The following PADI4 variants were observed in gnomAD, a reference collection of about 807,000 sequenced individuals.
The protein encoded by PADI4 is peptidyl arginine deiminase 4.
PADI4 carries 62 observed loss-of-function variants against 75.0 expected under a neutral mutation model. The ratio of observed to expected loss-of-function variants is 0.83; its 90% CI spans 0.67 to 1.02. The LOEUF is 1.02. Ranked by LOEUF, PADI4 falls within the 50% of genes least tolerant of loss-of-function variation. The pLI is 0.00. For synonymous variants in PADI4, 361 were observed against 348.1 expected (o/e 1.04, Z -0.41); for missense variants, 845 against 850.5 (o/e 0.99, Z 0.08).
chr1:17,323,128 TG>T (rs1384820883), intron 1 of PADI4, among the ~76,000 whole-genome samples: 1 of 152,206 alleles, frequency 6.6e-6, no homozygotes, highest in Non-Finnish European at 1.5e-5. Flanking sequence ...TGCAGGGTGT[TG>T]GAACCTCAGT....
intron 10 of PADI4, among the ~76,000 whole-genome samples, chr1:17,349,282 A>G (rs753997158): frequency 2.7e-4 from 41 of 152,226 alleles, no homozygotes; most frequent in Non-Finnish European, 1.5e-4. Flanking sequence ...TTCTGATGCC[A>G]CAAGTCCTGC....
intron 3 of PADI4, among the ~76,000 whole-genome samples, chr1:17,335,033 C>A (rs2100715674): frequency 6.6e-6 from 1 of 152,210 alleles, no homozygotes; most frequent in East Asian, 1.9e-4. Context: ...GTCCCAGCTA[C>A]TCAAGAGGCT....
chr1:17,348,010 A>G lies in PADI4; in HGVS notation c.1117A>G (p.Asn373Asp), dbSNP rs2074549655. The G allele has an allele frequency of 1.9e-6, 3 of 1,612,630 alleles. No homozygotes were observed. Among genetic ancestry groups the G allele is most frequent in the Non-Finnish European group, 8.5e-7 (1 of 1,178,962 alleles). Residue 373 changes from asparagine (N) to aspartate (D), a missense_variant, in exon 10 of 16, where the codon AAC becomes GAC. Transcript: ENST00000375448. ...TLPVVFDSPR[N>D]RGLKEFPIKR... Reference sequence around the variant, plus strand: ...GCCCGTGGTCTTCGACTCTCCAAGGAACAGAGGCCTGAAGGAGTTTCCCAT... The same window carrying G: ...GCCCGTGGTCTTCGACTCTCCAAGGGACAGAGGCCTGAAGGAGTTTCCCAT...
intron 1 of PADI4, among the ~76,000 whole-genome samples, chr1:17,329,646 A>G (rs1161744882): frequency 6.6e-6 from 1 of 152,126 alleles, no homozygotes; most frequent in African/African-American, 2.4e-5. Flanking sequence ...GGAGGAAGGA[A>G]ATCAGAGTAG....
At chr1:17,345,253 C>A (rs1400380370) in intron 8 of PADI4, among the ~76,000 whole-genome samples, 2 of 152,220 alleles carry the variant, frequency 1.3e-5, no homozygotes, top group Non-Finnish European at 2.9e-5. Context: ...TGTATTTACC[C>A]AACACCTGTA....
At chr1:17,312,215 T>G (rs765704410) in intron 1 of PADI4, among the ~76,000 whole-genome samples, 4 of 152,040 alleles carry the variant, frequency 2.6e-5, no homozygotes, top group Non-Finnish European at 5.9e-5. Context: ...ATCCCAGCAC[T>G]TTAGGAGACC....
intron 1 of PADI4, among the ~76,000 whole-genome samples, chr1:17,323,084 C>A (rs1465650859): frequency 6.6e-6 from 1 of 152,142 alleles, no homozygotes; most frequent in Non-Finnish European, 1.5e-5. Flanking sequence ...ACTTCCAAGC[C>A]CACTCATATG....
intron 15 of PADI4, among the ~76,000 whole-genome samples, chr1:17,362,877 A>G (rs2074865838): frequency 6.6e-6 from 1 of 151,538 alleles, no homozygotes. Flanking sequence ...CCCAGGCTGG[A>G]GTGTATTGGA....
chr1:17,312,188 G>A (rs2073846061), intron 1 of PADI4, among the ~76,000 whole-genome samples: 1 of 152,168 alleles, frequency 6.6e-6, no homozygotes, highest in Non-Finnish European at 1.5e-5. Flanking sequence ...GGCCGGATGT[G>A]GTGGCTCACG....
chr1:17,363,404 T>C (rs1474555768), intron 15 of PADI4, 118 bp from the exon 16 acceptor site: 13 of 689,816 alleles, frequency 1.9e-5, no homozygotes, highest in Non-Finnish European at 3.1e-5. Flanking sequence ...ACTACAGGTC[T>C]GAGCCACCAC....
intron 13 of PADI4, among the ~76,000 whole-genome samples, chr1:17,358,635 C>T (rs1009188910): frequency 1.1e-4 from 16 of 151,502 alleles, no homozygotes; most frequent in African/African-American, 3.9e-4. Flanking sequence ...GTGAGAACAA[C>T]ATTTTTAATG....
At chr1:17,362,146 G>A (rs192523183) in intron 15 of PADI4, among the ~76,000 whole-genome samples, 73 of 152,214 alleles carry the variant, frequency 4.8e-4, no homozygotes, top group African/African-American at 1.6e-3. Context: ...GGGAGGCTTA[G>A]GTGGGAGGAT....
intron 15 of PADI4, among the ~76,000 whole-genome samples, chr1:17,363,143 C>T (rs1221706979): frequency 1.3e-5 from 2 of 151,750 alleles, no homozygotes; most frequent in Non-Finnish European, 2.9e-5. Context: ...TAGAGTCTCG[C>T]TCTGTCGCCC....
At chr1:17,330,114 T>C (rs1050500305) in intron 1 of PADI4, among the ~76,000 whole-genome samples, 2 of 152,186 alleles carry the variant, frequency 1.3e-5, no homozygotes, top group Non-Finnish European at 1.5e-5. Flanking sequence ...AACCTCTGGG[T>C]GGACACACCC....
chr1:17,337,499 T>C (rs2074335100), intron 4 of PADI4, among the ~76,000 whole-genome samples: 1 of 152,156 alleles, frequency 6.6e-6, no homozygotes, highest in African/African-American at 2.4e-5. Context: ...CTCCTTTTTT[T>C]AAATGGATGA....
In PADI4 at chr1:17,346,983, G is replaced by A. The variant is rs535531760; in HGVS notation, c.1047+844G>A. 4.0e-5 allele frequency among the ~76,000 whole-genome samples: 6 copies of A among 151,358 alleles called. No individual in the cohort carries two copies. The South Asian group carries it at 1.3e-3, about 32-fold the overall frequency. ...TTTTTTTTTCACTCTTGTTGCCCAG[G>A]CTGGAGTGCAATGGCTCGATCTCGG... On this transcript the variant is annotated intron_variant, in intron 9 of 15. Transcript: ENST00000375448. This position sits in a 1 kb window ranked among gnomAD's most constrained non-coding sequence, Gnocchi z 4.3.
intron 11 of PADI4, among the ~76,000 whole-genome samples, chr1:17,355,538 CAA>C (rs11364408): frequency 0.017 from 2,269 of 134,690 alleles, 40 homozygotes; most frequent in African/African-American, 0.051. Flanking sequence ...GACTCTGTCT[CAA>C]AAAAAAAAAA....
chr1:17,334,357 C>G (rs766116092), intron 3 of PADI4: 1 of 443,292 alleles, frequency 2.3e-6, no homozygotes, highest in South Asian at 1.6e-5. Context: ...GGCTGGAGTG[C>G]AATGGCATGA....
Position 17,347,948 on chromosome 1 carries a change from T to C in PADI4, c.1055T>C (p.Met352Thr). Residue 352 changes from methionine to threonine, a missense_variant, in exon 10 of 16, where the codon ATG becomes ACG. Transcript: ENST00000375448. Reference protein sequence around the residue: ...NMDDQWMQDEMEIGYIQAPHK... With the variant: ...NMDDQWMQDETEIGYIQAPHK... ...CTCCACTCACTCCCACAGGATGAAATGGAGATCGGCTACATCCAAGCCCCA... is the reference window on the plus strand; with the variant it reads ...CTCCACTCACTCCCACAGGATGAAACGGAGATCGGCTACATCCAAGCCCCA... 1.3e-6 allele frequency: 2 copies of C among 1,573,944 alleles called. No individual in the cohort carries two copies. The highest frequency in any genetic ancestry group is 1.2e-5 in the South Asian group (1 of 86,234).
Sources: gnomAD v4.1 joint callset for allele counts (sites outside exome capture counted in the v4.1 genomes callset) on GRCh38, gnomAD v4.1.1 for gene constraint, Gnocchi (gnomAD v3.1) non-coding constraint, MANE v1.5 for transcripts, NCBI Gene and HGNC (gene_info 2026-07-23, HGNC 2026-07-21) for gene names.